CLNK: variants seen among roughly 807,000 people sequenced by gnomAD.
The protein encoded by CLNK is cytokine-dependent hematopoietic cell linker.
CLNK carries 74 observed loss-of-function variants against 68.6 expected under a neutral mutation model. That is an observed-to-expected ratio of 1.08 (90% confidence interval 0.89 to 1.31). The LOEUF (loss-of-function observed/expected upper bound fraction) is 1.31, where lower values mean the gene tolerates loss of function less well. Ranked by LOEUF, CLNK falls within the 50% of genes most tolerant of loss-of-function variation. CLNK has a pLI of 0.00. For missense variants in CLNK, 553 were observed against 515.3 expected (o/e 1.07, Z -0.71); for synonymous variants, 198 against 172.2 (o/e 1.15, Z -1.17).
At chr4:10,685,708 G>A (rs1725246517), upstream of CLNK, among the ~76,000 whole-genome samples, 1 of 152,152 alleles carries the variant, frequency 6.6e-6, no homozygotes, top group South Asian at 2.1e-4. Flanking sequence ...ATGAAAATAA[G>A]CACTCTTTGA....
chr4:10,575,298 A>T (rs1217802924), intron 4 of CLNK, among the ~76,000 whole-genome samples: 1 of 152,122 alleles, frequency 6.6e-6, no homozygotes, highest in Non-Finnish European at 1.5e-5. Flanking sequence ...GTCTGCCAGC[A>T]CACCCAGCTC....
At chr4:10,500,478 C>T (rs191779015) in intron 18 of CLNK, among the ~76,000 whole-genome samples, 1 of 152,196 alleles carries the variant, frequency 6.6e-6, no homozygotes, top group African/African-American at 2.4e-5. Context: ...GTCAGTAGTT[C>T]GAGACCAGCC....
At chr4:10,509,648 C>T (rs1263863027) in intron 16 of CLNK, among the ~76,000 whole-genome samples, 1 of 152,134 alleles carries the variant, frequency 6.6e-6, no homozygotes, top group Non-Finnish European at 1.5e-5. Flanking sequence ...CCCCAGCCTC[C>T]CAAGTGGCTG....
intron 2 of CLNK, among the ~76,000 whole-genome samples, chr4:10,600,840 G>A (rs1267479125): frequency 3.3e-5 from 5 of 152,100 alleles, no homozygotes; most frequent in Admixed American, 3.3e-4. Context: ...TAGGTTATTG[G>A]CAACTTTTCT....
intron 13 of CLNK, among the ~76,000 whole-genome samples, chr4:10,527,469 G>A (rs2109054950): frequency 6.6e-6 from 1 of 152,358 alleles, no homozygotes; most frequent in South Asian, 2.1e-4. Flanking sequence ...TTGCTCTGTT[G>A]AACGATGCTG....
intron 2 of CLNK, among the ~76,000 whole-genome samples, chr4:10,629,500 A>T (rs1722803377): frequency 6.6e-6 from 1 of 152,194 alleles, no homozygotes; most frequent in Non-Finnish European, 1.5e-5. Context: ...TAGGGATCAG[A>T]AGTGGGCACA....
chr4:10,687,248 C>T (rs1560279853), upstream of CLNK, among the ~76,000 whole-genome samples: 1 of 149,486 alleles, frequency 6.7e-6, no homozygotes, highest in Non-Finnish European at 1.5e-5. Context: ...AGTTTCGAAT[C>T]TAATATAATA....
Position 10,488,200 on chromosome 4 carries a change from G to A in CLNK, c.*2267C>T, listed in dbSNP as rs997466964. On this transcript the variant is annotated 3_prime_UTR_variant, in exon 19 of 19. Transcript: ENST00000226951. Reference sequence around the variant, plus strand: ...TCTTGGAATTATATGTTGTATTTGTGAACAAGAGACGATAAAATATTATTT... The same window carrying A: ...TCTTGGAATTATATGTTGTATTTGTAAACAAGAGACGATAAAATATTATTT... 6.6e-6 allele frequency: 1 copy of A among 151,828 alleles called. No homozygotes were observed. The highest frequency in any genetic ancestry group is 1.9e-4 in the East Asian group (1 of 5,188). The allele number at this position is 151,828 out of a possible 1,614,324, so 9.4% of individuals were successfully genotyped here.
intron 6 of CLNK, among the ~76,000 whole-genome samples, 177 bp downstream of exon 6, chr4:10,565,832 T>A (rs1441512130): frequency 6.6e-6 from 1 of 152,164 alleles, no homozygotes; most frequent in East Asian, 1.9e-4. Context: ...TTATGAACCC[T>A]GTTTTCAGAA....
chr4:10,650,996 T>A (rs1032017572), intron 2 of CLNK, among the ~76,000 whole-genome samples: 4 of 152,116 alleles, frequency 2.6e-5, no homozygotes, highest in Admixed American at 2.6e-4. Flanking sequence ...AAAACCATAA[T>A]GTGATACCAT....
intron 11 of CLNK, among the ~76,000 whole-genome samples, chr4:10,536,282 ACT>A (rs1718758071): frequency 6.6e-6 from 1 of 151,886 alleles, no homozygotes. Context: ...CGGAGCAGGC[ACT>A]CTCCTGCATG....
the CLNK span, among the ~76,000 whole-genome samples, chr4:10,734,573 G>A: frequency 3.9e-3 from 600 of 152,304 alleles, 3 homozygotes; most frequent in African/African-American, 0.014. Flanking sequence ...TAAATGACTT[G>A]CAACTGTATT....
chr4:10,671,449 C>G (rs1035766878), intron 1 of CLNK, among the ~76,000 whole-genome samples: 43 of 152,114 alleles, frequency 2.8e-4, no homozygotes, highest in African/African-American at 1.0e-3. Flanking sequence ...CTGAGTTAGC[C>G]ACAAAGTGTC....
rs560046198 is a variant in CLNK, at chr4:10,560,214, T to C, written c.400-1762A>G. Among the ~76,000 whole-genome samples the C allele has an allele frequency of 1.7e-4, 26 of 152,324 alleles. No homozygotes were observed. In the South Asian group the frequency reaches 5.2e-3, roughly 30 times the overall value. ...TCCTAGAACATGGAAACTGCCCATCTGGGTCACTGCCTCCTCCCTTAGACT... is the reference window on the plus strand; with the variant it reads ...TCCTAGAACATGGAAACTGCCCATCCGGGTCACTGCCTCCTCCCTTAGACT... On this transcript the variant is annotated intron_variant, in intron 7 of 18. Transcript: ENST00000226951.
chr4:10,642,669 G>C (rs746895672), intron 2 of CLNK, among the ~76,000 whole-genome samples: 3 of 152,122 alleles, frequency 2.0e-5, no homozygotes, highest in Non-Finnish European at 4.4e-5. Flanking sequence ...CCAAAAAAGG[G>C]GGAAAAATAA....
intron 18 of CLNK, among the ~76,000 whole-genome samples, chr4:10,493,530 G>C (rs1393820400): frequency 6.6e-6 from 1 of 152,086 alleles, no homozygotes; most frequent in African/African-American, 2.4e-5. Flanking sequence ...ATCTGTGAGG[G>C]CTCCACCTTC....
chr4:10,653,496 A>G (rs1723837553), intron 2 of CLNK, among the ~76,000 whole-genome samples: 2 of 152,222 alleles, frequency 1.3e-5, no homozygotes, highest in Admixed American at 6.5e-5. Context: ...TTATTTATAA[A>G]TCAGCAAATT....
At chr4:10,521,025 G>T (rs914935635) in intron 14 of CLNK, among the ~76,000 whole-genome samples, 194 bp from the exon 15 acceptor site, 9 of 152,154 alleles carry the variant, frequency 5.9e-5, no homozygotes, top group African/African-American at 2.2e-4. Flanking sequence ...TCTCAAGCTG[G>T]CTATATTAGA....
At chr4:10,690,874 G>A in the CLNK span, among the ~76,000 whole-genome samples, 3 of 151,618 alleles carry the variant, frequency 2.0e-5, no homozygotes, top group Middle Eastern at 3.4e-3. Context: ...GGCCATGGGA[G>A]CAGGTAGAGG....
Sources: allele counts gnomAD v4.1 joint callset (sites outside exome capture counted in the v4.1 genomes callset), GRCh38; gene constraint gnomAD v4.1.1; transcripts MANE v1.5; gene names NCBI Gene and HGNC (gene_info 2026-07-23, HGNC 2026-07-21).